The following CHLSN variants were observed in gnomAD, a reference collection of about 807,000 sequenced individuals.
CHLSN encodes protein cholesin.
the CHLSN span, chr7:1,009,890 CCT>C: frequency 1.7e-5 from 24 of 1,409,590 alleles, no homozygotes; most frequent in South Asian, 3.4e-4. Flanking sequence ...GCTTCGACCC[CCT>C]CAGGCAGGGG....
At chr7:1,081,381 G>A in the CHLSN span, among the ~76,000 whole-genome samples, 1 of 152,238 alleles carries the variant, frequency 6.6e-6, no homozygotes, top group Admixed American at 6.5e-5. Context: ...AACCTGTCTG[G>A]GACCACTCAG....
At chr7:1,057,557 G>A in the CHLSN span, 74 of 773,802 alleles carry the variant, frequency 9.6e-5, no homozygotes, top group Middle Eastern at 1.9e-3. Flanking sequence ...GGCTGGTGGA[G>A]GAGCTGCCTG....
At chr7:1,137,659 T>G in the CHLSN span, 1 of 151,852 alleles carries the variant, frequency 6.6e-6, no homozygotes, top group Admixed American at 6.6e-5. Context: ...TTTTTAAAAA[T>G]TATCCGGGTG....
chr7:1,059,441 G>A, the CHLSN span, among the ~76,000 whole-genome samples: 1 of 152,126 alleles, frequency 6.6e-6, no homozygotes. Context: ...GGCCCGGACC[G>A]GCCTGTTCCA....
the CHLSN span, chr7:997,941 G>A: frequency 5.5e-6 from 4 of 732,922 alleles, no homozygotes; most frequent in African/African-American, 1.8e-5. Flanking sequence ...GGTGTGGGCG[G>A]CCTGGCCACA....
chr7:1,107,959 G>C, the CHLSN span, among the ~76,000 whole-genome samples: 1 of 88,650 alleles, frequency 1.1e-5, no homozygotes, highest in African/African-American at 6.2e-5. Context: ...GAAGCAGAGG[G>C]GGGCTGTGTC....
At chr7:1,044,356 T>C in the CHLSN span, among the ~76,000 whole-genome samples, 1 of 152,218 alleles carries the variant, frequency 6.6e-6, no homozygotes, top group African/African-American at 2.4e-5. Context: ...CACGAGTTCG[T>C]CAAATGGCTG....
At chr7:1,108,293 G>A in the CHLSN span, among the ~76,000 whole-genome samples, 46 of 115,320 alleles carry the variant, frequency 4.0e-4, no homozygotes, top group African/African-American at 1.0e-3. Flanking sequence ...GGGGAAGCAG[G>A]GGAGGGCTGT....
At chr7:1,105,382 G>A in the CHLSN span, among the ~76,000 whole-genome samples, 2 of 152,188 alleles carry the variant, frequency 1.3e-5, no homozygotes, top group African/African-American at 4.8e-5. Flanking sequence ...CGAGGGTGAC[G>A]CCCCAGCCTC....
At chr7:1,080,192 G>A in the CHLSN span, among the ~76,000 whole-genome samples, 4 of 152,348 alleles carry the variant, frequency 2.6e-5, no homozygotes, top group South Asian at 2.1e-4. Flanking sequence ...AAGAACCAGC[G>A]ATGCCCAATC....
the CHLSN span, among the ~76,000 whole-genome samples, chr7:1,023,203 G>A: frequency 1.3e-5 from 2 of 152,226 alleles, no homozygotes; most frequent in African/African-American, 4.8e-5. This position sits in a 1 kb window ranked among gnomAD's most constrained non-coding sequence, Gnocchi z 5.0. Context: ...GTGGGCATCC[G>A]AGTATTTACA....
the CHLSN span, among the ~76,000 whole-genome samples, chr7:1,040,190 A>ATAAAAAAAT: frequency 1.3e-4 from 15 of 119,668 alleles, 1 homozygote; most frequent in African/African-American, 4.0e-4. Flanking sequence ...ATTTAAAAAA[A>ATAAAAAAAT]AAAAAAAAAA....
chr7:997,555 G>A, the CHLSN span: 20 of 1,332,092 alleles, frequency 1.5e-5, no homozygotes, highest in Admixed American at 6.7e-4. Context: ...CCCACCGCCG[G>A]AGGAGCTGCA....
At chr7:984,363 G>GA in the CHLSN span, 2 of 1,536,330 alleles carry the variant, frequency 1.3e-6, no homozygotes, top group East Asian at 2.4e-5. Context: ...GACCTAAGGG[G>GA]GGTCTTGTGG....
At chr7:983,354 G>T in the CHLSN span, 3 of 1,536,676 alleles carry the variant, frequency 2.0e-6, no homozygotes, top group Admixed American at 5.9e-5. Context: ...CACTTGCTGC[G>T]TCTGTCGCAA....
At chr7:1,127,419 G>A in the CHLSN span, 1 of 1,575,780 alleles carries the variant, frequency 6.3e-7, no homozygotes, top group Non-Finnish European at 8.6e-7. Flanking sequence ...CTGAAGACAA[G>A]GAAATGAAAG....
chr7:1,096,656 C>G, the CHLSN span, among the ~76,000 whole-genome samples: 2 of 152,230 alleles, frequency 1.3e-5, no homozygotes, highest in Admixed American at 1.3e-4. The surrounding 1 kb of genome is among the most constrained non-coding windows in gnomAD (Gnocchi z 4.6). Flanking sequence ...CTTTTTAAAC[C>G]CAGAAAGAGC....
chr7:1,012,460 C>T, the CHLSN span, among the ~76,000 whole-genome samples: 7 of 152,244 alleles, frequency 4.6e-5, no homozygotes, highest in Non-Finnish European at 1.0e-4. Context: ...CCTGAGCGCC[C>T]GGTGCAGGGC....
At chr7:980,606 C>T in the CHLSN span, among the ~76,000 whole-genome samples, 2 of 152,086 alleles carry the variant, frequency 1.3e-5, no homozygotes, top group South Asian at 2.1e-4. Context: ...AATATGCACA[C>T]CCGGCCATGC....
Sources: allele counts gnomAD v4.1 joint callset (sites outside exome capture counted in the v4.1 genomes callset), GRCh38; gene constraint gnomAD v4.1.1; non-coding constraint Gnocchi (gnomAD v3.1); transcripts MANE v1.5; gene names NCBI Gene and HGNC (gene_info 2026-07-23, HGNC 2026-07-21).